The following MDFIC2 variants were observed in gnomAD, a reference collection of about 807,000 sequenced individuals.
MDFIC2 encodes myoD family inhibitor domain-containing protein 2.
chr3:70,274,622 C>T (rs1232138795), intron 2 of MDFIC2, among the ~76,000 whole-genome samples: 1 of 152,052 alleles, frequency 6.6e-6, no homozygotes, highest in Non-Finnish European at 1.5e-5. Context: ...CACACTGGGT[C>T]CTGTTGGGGA....
chr3:70,211,808 C>G (rs981080830), intron 2 of MDFIC2, among the ~76,000 whole-genome samples: 1 of 143,042 alleles, frequency 7.0e-6, no homozygotes, highest in Admixed American at 7.0e-5. Flanking sequence ...CTTTCCTTAC[C>G]CTTCCCTTCC....
chr3:70,308,041 T>A (rs531814074), intron 2 of MDFIC2, among the ~76,000 whole-genome samples: 5 of 152,256 alleles, frequency 3.3e-5, no homozygotes, highest in Admixed American at 3.3e-4. Context: ...CAGCTCATCC[T>A]GCCTGGTGCA....
intron 3 of MDFIC2, among the ~76,000 whole-genome samples, chr3:70,198,156 A>G (rs1701199122): frequency 1.3e-5 from 2 of 152,218 alleles, no homozygotes; most frequent in Non-Finnish European, 2.9e-5. Context: ...ATTAATTAAA[A>G]TCAGTAATCT....
At chr3:70,287,592 T>A (rs1702179314) in intron 2 of MDFIC2, among the ~76,000 whole-genome samples, 1 of 152,148 alleles carries the variant, frequency 6.6e-6, no homozygotes, top group Non-Finnish European at 1.5e-5. Context: ...GAGGGAGGAT[T>A]CCCTCTTTTT....
At chr3:70,208,520 T>A (rs923106846) in intron 2 of MDFIC2, among the ~76,000 whole-genome samples, 9 of 152,102 alleles carry the variant, frequency 5.9e-5, no homozygotes, top group African/African-American at 2.2e-4. Context: ...TTTAAAGCTC[T>A]GGTATTCCCC....
intron 2 of MDFIC2, among the ~76,000 whole-genome samples, chr3:70,222,155 C>G (rs1350623728): frequency 1.3e-5 from 2 of 152,126 alleles, no homozygotes; most frequent in Non-Finnish European, 2.9e-5. Context: ...CTTACACAGG[C>G]AAAGGTATTC....
chr3:70,274,255 C>A (rs1702001449), intron 2 of MDFIC2, among the ~76,000 whole-genome samples: 1 of 151,976 alleles, frequency 6.6e-6, no homozygotes, highest in South Asian at 2.1e-4. Flanking sequence ...TTAGTTCAAC[C>A]AGGCAACTCA....
chr3:70,218,644 C>T (rs1443669305), intron 2 of MDFIC2, among the ~76,000 whole-genome samples: 2 of 152,024 alleles, frequency 1.3e-5, no homozygotes, highest in African/African-American at 4.8e-5. Flanking sequence ...ACTTGGGTGG[C>T]ATAACACCTC....
intron 2 of MDFIC2, among the ~76,000 whole-genome samples, chr3:70,242,975 T>C (rs1451479543): frequency 6.6e-6 from 1 of 152,212 alleles, no homozygotes; most frequent in Non-Finnish European, 1.5e-5. Context: ...AGGCCTAACC[T>C]AAATACTAAT....
chr3:70,306,092 T>C (rs1334207850), intron 2 of MDFIC2, among the ~76,000 whole-genome samples: 1 of 152,152 alleles, frequency 6.6e-6, no homozygotes, highest in Non-Finnish European at 1.5e-5. Flanking sequence ...TTCACCTAAA[T>C]AATGGAGTTT....
chr3:70,196,931 G>T lies in MDFIC2; in HGVS notation c.565C>A (p.Arg189Ser), dbSNP rs1434345901. The stretch of plus-strand genomic sequence containing the variant: ...AATGTGGTTACTTCACTGTGCTAGC[G>T]GTAACAGATTTCTGAAATCTCCATG... ...LAMEISEICY[R>S] Residue 189 changes from arginine (R) to serine (S), a missense_variant, in exon 4 of 4, where the codon CGC becomes AGC. Arg to Ser is a moderately radical substitution (Grantham distance 110). Transcript: ENST00000567252. 5.0e-6 allele frequency: 2 copies of T among 398,462 alleles called. No individual in the cohort carries two copies. The highest frequency in any genetic ancestry group is 4.4e-6 in the Non-Finnish European group (1 of 225,986). The allele number at this position is 398,462 out of a possible 1,614,324, so 24.7% of individuals were successfully genotyped here. A position where few individuals can be genotyped will look rare whatever the true frequency, so the allele number is the denominator to read the frequency against.
rs1012591172 is a variant in MDFIC2, at chr3:70,232,625, C to T, written c.89-25835G>A. Among the ~76,000 whole-genome samples, 27 of 152,012 alleles carry T rather than the reference C, an allele frequency of 1.8e-4. 1 individual carries two copies. Among genetic ancestry groups the T allele is most frequent in the African/African-American group, 6.3e-4 (26 of 41,398 alleles). Reference sequence around the variant, plus strand: ...GTGTGGGCCAGGATGGTCTCAATCTCCTGAGCTCGTGATCCGCCCGCCTCA... The same window carrying T: ...GTGTGGGCCAGGATGGTCTCAATCTTCTGAGCTCGTGATCCGCCCGCCTCA... On this transcript the variant is annotated intron_variant, in intron 2 of 3. Coordinates refer to ENST00000567252, the MANE Select transcript of MDFIC2 (RefSeq NM_001364677.1).
intron 2 of MDFIC2, among the ~76,000 whole-genome samples, chr3:70,222,406 C>T (rs1396026226): frequency 2.0e-5 from 3 of 152,140 alleles, no homozygotes; most frequent in Non-Finnish European, 2.9e-5. Flanking sequence ...GAAAACTATA[C>T]ATTTTAAATC....
rs969648045 is a variant in MDFIC2, at chr3:70,233,637, T to C, written c.89-26847A>G. Reference sequence around the variant, plus strand: ...TCTGCCAGAGTTTCCCTATGTCCTTTTGTAATCCATGCATCCCTCTACTTC... The same window carrying C: ...TCTGCCAGAGTTTCCCTATGTCCTTCTGTAATCCATGCATCCCTCTACTTC... On this transcript the variant is annotated intron_variant, in intron 2 of 3. Coordinates refer to ENST00000567252, the MANE Select transcript of MDFIC2 (RefSeq NM_001364677.1). Among the ~76,000 whole-genome samples the C allele has an allele frequency of 2.6e-5, 4 of 152,194 alleles. No individual in the cohort carries two copies. In the East Asian group the frequency reaches 5.8e-4, roughly 22 times the overall value.
chr3:70,286,275 A>G (rs1379503800), intron 2 of MDFIC2, among the ~76,000 whole-genome samples: 1 of 152,166 alleles, frequency 6.6e-6, no homozygotes, highest in Non-Finnish European at 1.5e-5. Flanking sequence ...CTTTCTACAT[A>G]TGGCTAGCCA....
chr3:70,206,733 A>G lies in MDFIC2; in HGVS notation c.146T>C (p.Ile49Thr). The G allele has an allele frequency of 5.0e-6, 2 of 397,876 alleles. No individual in the cohort carries two copies. Among genetic ancestry groups the G allele is most frequent in the Non-Finnish European group, 8.9e-6 (2 of 225,542 alleles). The allele number at this position is 397,876 out of a possible 1,614,324, so 24.6% of individuals were successfully genotyped here. Reference sequence around the variant, plus strand: ...GATATTGAAGTCAGATACTGAATTTATAACAATAGCATTAATGGGTTTCTC... The same window carrying G: ...GATATTGAAGTCAGATACTGAATTTGTAACAATAGCATTAATGGGTTTCTC... ...ADEKPINAIV[I>T]NSVSDFNITD... is the part of the protein sequence containing the mutation. Residue 49 changes from isoleucine to threonine, a missense_variant, in exon 3 of 4, where the codon ATA becomes ACA. Ile to Thr is a moderately conservative substitution (Grantham distance 89). Coordinates refer to ENST00000567252, the MANE Select transcript of MDFIC2 (RefSeq NM_001364677.1).
chr3:70,223,450 T>C (rs1352769951), intron 2 of MDFIC2, among the ~76,000 whole-genome samples: 4 of 152,186 alleles, frequency 2.6e-5, no homozygotes, highest in African/African-American at 7.2e-5. Context: ...GAAAATGAGA[T>C]AGAATTAAAA....
intron 2 of MDFIC2, among the ~76,000 whole-genome samples, chr3:70,284,539 C>T (rs1008135492): frequency 3.3e-5 from 5 of 152,076 alleles, no homozygotes; most frequent in African/African-American, 1.2e-4. Context: ...AAATGTGGTA[C>T]ATATACACCA....
At chr3:70,210,312 A>G (rs939160546) in intron 2 of MDFIC2, among the ~76,000 whole-genome samples, 1 of 152,078 alleles carries the variant, frequency 6.6e-6, no homozygotes, top group Admixed American at 6.6e-5. Context: ...AAGTTATTTT[A>G]ATTCTATATC....
Sources: allele counts gnomAD v4.1 joint callset (sites outside exome capture counted in the v4.1 genomes callset), GRCh38; gene constraint gnomAD v4.1.1; transcripts MANE v1.5; gene names NCBI Gene and HGNC (gene_info 2026-07-23, HGNC 2026-07-21).